The following ZNF469 variants were observed in gnomAD, a reference collection of about 807,000 sequenced individuals.
The protein encoded by ZNF469 is zinc finger protein 469.
Under a neutral mutation model 1.0 loss-of-function variants are expected in ZNF469, and 1 was observed. The observed-to-expected ratio is 1.00, with a 90% CI of 0.35 to 4.73. The LOEUF (loss-of-function observed/expected upper bound fraction) is 4.73, where lower values mean the gene tolerates loss of function less well. Ranked by LOEUF, ZNF469 falls within the 30% of genes most tolerant of loss-of-function variation. The pLI, the probability that ZNF469 is intolerant of heterozygous loss-of-function variation, is 0.16. For missense variants in ZNF469, 6,100 were observed against 5,356.3 expected (o/e 1.14, Z -4.33); for synonymous variants, 2,703 against 2,363.4 (o/e 1.14, Z -4.17).
At chr16:88,110,327 C>T in the ZNF469 span, among the ~76,000 whole-genome samples, 107,052 of 152,204 alleles carry the variant, frequency 0.7, 40,403 homozygotes, top group Non-Finnish European at 0.86. Flanking sequence ...GCAGGTGGTC[C>T]GCTGCCAGTC....
chr16:88,114,462 C>G, the ZNF469 span, among the ~76,000 whole-genome samples: 1 of 148,050 alleles, frequency 6.8e-6, no homozygotes, highest in African/African-American at 2.6e-5. Context: ...AGGGACCACA[C>G]TCACTGACTG....
At chr16:88,250,276 A>G in the ZNF469 span, among the ~76,000 whole-genome samples, 1 of 152,180 alleles carries the variant, frequency 6.6e-6, no homozygotes, top group Non-Finnish European at 1.5e-5. Context: ...AGTCTCGCCT[A>G]TTTGAACTTT....
the ZNF469 span, chr16:88,194,329 G>A: frequency 1.3e-5 from 2 of 152,226 alleles, no homozygotes; most frequent in African/African-American, 2.4e-5. Context: ...TTTAGAGAAG[G>A]GGGTTCACCT....
At chr16:88,396,712 C>T (rs1904681115) in intron 1 of ZNF469, among the ~76,000 whole-genome samples, 1 of 146,782 alleles carries the variant, frequency 6.8e-6, no homozygotes. Flanking sequence ...AGATGGAAAC[C>T]CTCCTGAAGG....
the ZNF469 span, among the ~76,000 whole-genome samples, chr16:88,203,764 C>T: frequency 4.6e-5 from 7 of 151,642 alleles, no homozygotes; most frequent in South Asian, 4.2e-4. Context: ...CTGTGTCTCT[C>T]GCTTTATAAA....
chr16:88,301,473 T>C, the ZNF469 span, among the ~76,000 whole-genome samples: 2 of 152,264 alleles, frequency 1.3e-5, no homozygotes, highest in Non-Finnish European at 2.9e-5. Flanking sequence ...CTCTAAGCGA[T>C]GATTATTTGG....
chr16:88,406,921 G>T (rs535015308), intron 1 of ZNF469, among the ~76,000 whole-genome samples: 1 of 152,312 alleles, frequency 6.6e-6, no homozygotes, highest in East Asian at 1.9e-4. Flanking sequence ...AGGTCACTCA[G>T]TGCCTCGTGG....
At position 88,439,638 on chromosome 16, in the gene ZNF469, C is replaced by T. The variant is rs749194753; in HGVS notation, c.*306C>T. Reference sequence around the variant, plus strand: ...GCAGCCCATCCCCTCAGCCCACACCCCTGCGCCCTGTGGGCACCGACACCA... The same window carrying T: ...GCAGCCCATCCCCTCAGCCCACACCTCTGCGCCCTGTGGGCACCGACACCA... On this transcript the variant is annotated 3_prime_UTR_variant, in exon 3 of 3. Coordinates refer to ENST00000565624, the MANE Select transcript of ZNF469 (RefSeq NM_001367624.2). 4.8e-6 allele frequency: 2 copies of T among 418,080 alleles called. No individual in the cohort carries two copies. The highest frequency in any genetic ancestry group is 8.8e-6 in the Non-Finnish European group (2 of 226,206). The allele number at this position is 418,080 out of a possible 1,614,324, so 25.9% of individuals were successfully genotyped here. A position where few individuals can be genotyped will look rare whatever the true frequency, so the allele number is the denominator to read the frequency against.
At chr16:88,285,070 C>T in the ZNF469 span, among the ~76,000 whole-genome samples, 1 of 152,260 alleles carries the variant, frequency 6.6e-6, no homozygotes, top group South Asian at 2.1e-4. Context: ...GCGCATTGCC[C>T]ATGCCTGGCC....
At chr16:88,413,821 G>A (rs1464784265) in intron 1 of ZNF469, among the ~76,000 whole-genome samples, 4 of 152,234 alleles carry the variant, frequency 2.6e-5, no homozygotes, top group African/African-American at 7.2e-5. Context: ...TGCAGCCTCC[G>A]CAGCAGTGGG....
the ZNF469 span, among the ~76,000 whole-genome samples, chr16:88,331,419 C>A: frequency 6.6e-6 from 1 of 150,638 alleles, no homozygotes; most frequent in Admixed American, 6.6e-5. Flanking sequence ...ACCATCACCA[C>A]CACCAACACC....
At chr16:88,360,612 A>G in the ZNF469 span, among the ~76,000 whole-genome samples, 4 of 91,652 alleles carry the variant, frequency 4.4e-5, no homozygotes, top group African/African-American at 1.5e-4. Context: ...CAGCGCCCGC[A>G]TGCTCCCTCG....
chr16:88,400,172 C>T (rs926748050), intron 1 of ZNF469, among the ~76,000 whole-genome samples: 24 of 152,212 alleles, frequency 1.6e-4, no homozygotes, highest in African/African-American at 5.8e-4. Context: ...CAGGTGAGGA[C>T]GGGCACCCAG....
intron 1 of ZNF469, among the ~76,000 whole-genome samples, chr16:88,384,428 C>A (rs1410444615): frequency 6.6e-6 from 1 of 152,170 alleles, no homozygotes; most frequent in Admixed American, 6.5e-5. Context: ...GCCTGGACAG[C>A]GTCGGGCGTG....
the ZNF469 span, among the ~76,000 whole-genome samples, chr16:88,227,764 C>G: frequency 6.6e-6 from 1 of 152,224 alleles, no homozygotes; most frequent in South Asian, 2.1e-4. Flanking sequence ...ACACCGGAGG[C>G]TTAAAACAAC....
the ZNF469 span, among the ~76,000 whole-genome samples, chr16:88,132,995 C>T: frequency 1.3e-5 from 2 of 152,212 alleles, no homozygotes; most frequent in African/African-American, 4.8e-5. Context: ...GTGCGGTGGG[C>T]ATGCTGGGAG....
rs1905949151 is a variant in ZNF469 at position 88,429,308 on chromosome 16, G to A, written c.1838G>A (p.Ser613Asn). Residue 613 changes from serine to asparagine, a missense_variant, in exon 3 of 3, where the codon AGC (serine) becomes AAC (asparagine). Ser to Asn is a conservative substitution (Grantham distance 46). Coordinates refer to ENST00000565624, the MANE Select transcript of ZNF469 (RefSeq NM_001367624.2). Reference sequence around the variant, plus strand: ...TGCTCTTCCCTGTCGCCGATGTCCAGCAGCCCAGCCAACCCCAGCTCAGAG... The same window carrying A: ...TGCTCTTCCCTGTCGCCGATGTCCAACAGCCCAGCCAACCCCAGCTCAGAG... Reference protein sequence around the residue: ...STCSSLSPMSSSPANPSSEES... With the variant: ...STCSSLSPMSNSPANPSSEES... 1 of 1,549,880 alleles carries A rather than the reference G, an allele frequency of 6.5e-7. No homozygotes were observed. The highest frequency in any genetic ancestry group is 8.7e-7 in the Non-Finnish European group (1 of 1,146,842).
At chr16:88,131,118 G>C in the ZNF469 span, among the ~76,000 whole-genome samples, 5,018 of 151,930 alleles carry the variant, frequency 0.033, no homozygotes, top group African/African-American at 0.11. Flanking sequence ...TCGTCTCCTG[G>C]AAATCAATTG....
rs137889724 is a variant in ZNF469 at position 88,439,550 on chromosome 16, G to A, written c.*218G>A. 3.4e-4 allele frequency: 206 copies of A among 601,808 alleles called. 1 individual carries two copies. In the East Asian group the frequency reaches 5.7e-3, roughly 17 times the overall value. The allele number at this position is 601,808 out of a possible 1,614,324, so 37.3% of individuals were successfully genotyped here. A position where few individuals can be genotyped will look rare whatever the true frequency, so the allele number is the denominator to read the frequency against. On this transcript the variant is annotated 3_prime_UTR_variant, in exon 3 of 3. Transcript: ENST00000565624. ...CTGGAAGGCTGGGGGTGAAAGACGG[G>A]GCCACTGCAGCCCTTTTGAGACCAC... is the stretch of plus-strand genomic sequence containing the variant.
Sources: gnomAD v4.1 joint callset for allele counts (sites outside exome capture counted in the v4.1 genomes callset) on GRCh38, gnomAD v4.1.1 for gene constraint, MANE v1.5 for transcripts, NCBI Gene and HGNC (gene_info 2026-07-23, HGNC 2026-07-21) for gene names.